DAG1: variants seen among roughly 807,000 people sequenced by gnomAD.
The protein encoded by DAG1 is dystroglycan 1 (dystrophin-associated glycoprotein 1).
In DAG1, 8 loss-of-function variants were observed where a neutral mutation model predicts 46.1. The ratio of observed to expected loss-of-function variants is 0.17; its 90% CI spans 0.10 to 0.31. The LOEUF (loss-of-function observed/expected upper bound fraction) is 0.31, where lower values mean the gene tolerates loss of function less well. Ranked by LOEUF, DAG1 falls within the 10% of genes least tolerant of loss-of-function variation. The pLI, the probability that DAG1 is intolerant of heterozygous loss-of-function variation, is 1.00. For synonymous variants in DAG1, 495 were observed against 481.8 expected, an observed-to-expected ratio of 1.03 and a Z score of -0.36; for missense variants, 1,003 against 1,189.9, an observed-to-expected ratio of 0.84 and a Z score of 2.31.
chr3:49,532,046 C>G lies in DAG1; in HGVS notation c.1535C>G (p.Thr512Ser), dbSNP rs527867946. The G allele has an allele frequency of 1.2e-6, 2 of 1,614,198 alleles. No individual in the cohort carries two copies. Among genetic ancestry groups the G allele is most frequent in the Non-Finnish European group, 1.7e-6 (2 of 1,180,032 alleles). The change falls in exon 3 of 3, where the codon ACC becomes AGC. Residue 512 changes from threonine to serine, a missense_variant. Thr to Ser is a moderately conservative substitution (Grantham distance 58). Transcript: ENST00000308775. The surrounding 1 kb of genome is among the most constrained non-coding windows in gnomAD (Gnocchi z 5.4). The stretch of plus-strand genomic sequence containing the variant: ...GACAGGGTAGATGCCTGGGTTGGCA[C>G]CTACTTTGAGGTGAAGATCCCGTCA... ...HIDRVDAWVG[T>S]YFEVKIPSDT...
upstream of DAG1, chr3:49,469,039 T>C (rs961966612): frequency 6.6e-6 from 1 of 152,150 alleles, no homozygotes; most frequent in Admixed American, 6.6e-5. Flanking sequence ...CACTGAAGTA[T>C]AGATAATTGC....
rs1217978695 is a variant in DAG1 at position 49,532,407 on chromosome 3, A to G, written c.1896A>G (p.Lys632=). Residue 632 remains lysine, a synonymous_variant, in exon 3 of 3, where the codon AAA becomes AAG. Transcript: ENST00000308775. The surrounding 1 kb of genome is among the most constrained non-coding windows in gnomAD (Gnocchi z 5.4). ...DIHKKIALVK[K]LAFAFGDRNC... ...ACAAGAAGATTGCCTTGGTAAAGAA[A>G]CTGGCCTTCGCCTTTGGAGACCGAA... is the stretch of plus-strand genomic sequence containing the variant. 1 of 1,614,196 alleles carries G rather than the reference A, an allele frequency of 6.2e-7. No individual in the cohort carries two copies. Among genetic ancestry groups the G allele is most frequent in the South Asian group, 1.1e-5 (1 of 91,084 alleles).
At chr3:49,515,432 G>C (rs1338496126) in intron 2 of DAG1, among the ~76,000 whole-genome samples, 1 of 149,156 alleles carries the variant, frequency 6.7e-6, no homozygotes, top group Non-Finnish European at 1.5e-5. Context: ...TGTTGCCCAG[G>C]CTGGAGTGCA....
intron 1 of DAG1, among the ~76,000 whole-genome samples, chr3:49,483,950 G>A (rs560741031): frequency 2.6e-5 from 4 of 152,258 alleles, no homozygotes; most frequent in Admixed American, 2.6e-4. Flanking sequence ...CACCACACCC[G>A]GCCCAGAAGT....
At position 49,521,367 on chromosome 3, in the gene DAG1, G is replaced by A. The variant is rs538317298; in HGVS notation, c.286-9430G>A. 5.0e-4 allele frequency among the ~76,000 whole-genome samples: 76 copies of A among 152,112 alleles called. No homozygotes were observed. The Middle Eastern group carries it at 0.014, about 27-fold the overall frequency. On this transcript the variant is annotated intron_variant, in intron 2 of 2. Transcript: ENST00000308775. ...TTTTTAGTAGAGACGGGGTTTCACCGTGTTAGCCAGGATGGTCTCGATCTC... is the reference window on the plus strand; with the variant it reads ...TTTTTAGTAGAGACGGGGTTTCACCATGTTAGCCAGGATGGTCTCGATCTC...
chr3:49,501,517 A>G (rs2050449872), intron 1 of DAG1, among the ~76,000 whole-genome samples: 1 of 152,132 alleles, frequency 6.6e-6, no homozygotes, highest in Non-Finnish European at 1.5e-5. Flanking sequence ...TTACTAAATT[A>G]GAATTAAAAT....
intron 1 of DAG1, among the ~76,000 whole-genome samples, chr3:49,495,672 A>G (rs1469829136): frequency 6.6e-6 from 1 of 152,116 alleles, no homozygotes; most frequent in African/African-American, 2.4e-5. Context: ...CTGTAATCCC[A>G]GCACTTTGGG....
intron 1 of DAG1, among the ~76,000 whole-genome samples, chr3:49,504,412 C>T (rs368853133): frequency 6.6e-6 from 1 of 151,992 alleles, no homozygotes; most frequent in South Asian, 2.1e-4. Context: ...TGAAGGACAT[C>T]TGGGTTGTAC....
chr3:49,519,470 C>T (rs751628223), intron 2 of DAG1, among the ~76,000 whole-genome samples: 7 of 152,160 alleles, frequency 4.6e-5, no homozygotes, highest in Non-Finnish European at 1.0e-4. Flanking sequence ...AATGGGCACT[C>T]TCTTTGGCTA....
chr3:49,475,094 G>A (rs1426603061), intron 1 of DAG1, among the ~76,000 whole-genome samples: 1 of 151,178 alleles, frequency 6.6e-6, no homozygotes, highest in African/African-American at 2.4e-5. Flanking sequence ...TTACAGACGT[G>A]AGCCACCGTG....
chr3:49,525,390 GAA>G (rs1393720413), intron 2 of DAG1, among the ~76,000 whole-genome samples: 2 of 152,158 alleles, frequency 1.3e-5, no homozygotes, highest in East Asian at 3.9e-4. Context: ...AATTTATAGA[GAA>G]AAGAGTTTTA....
intron 2 of DAG1, among the ~76,000 whole-genome samples, chr3:49,527,628 G>C (rs1025040725): frequency 1.3e-5 from 2 of 152,202 alleles, no homozygotes; most frequent in African/African-American, 2.4e-5. Flanking sequence ...GCGTGATCCC[G>C]GGAGGCGGAG....
At chr3:49,474,975 C>G in intron 1 of DAG1, among the ~76,000 whole-genome samples, 1 of 151,752 alleles carries the variant, frequency 6.6e-6, no homozygotes, top group Middle Eastern at 3.2e-3. Flanking sequence ...CCGCGCCCAG[C>G]TAATTTTTTT....
chr3:49,480,559 C>T (rs1424758609), intron 1 of DAG1, among the ~76,000 whole-genome samples: 17 of 148,344 alleles, frequency 1.1e-4, no homozygotes, highest in African/African-American at 3.9e-4. Flanking sequence ...TCCCAAAGAG[C>T]TGGGATTACA....
rs1416844144 is a variant in DAG1 at position 49,532,061 on chromosome 3, A to G, written c.1550A>G (p.Lys517Arg). 6.2e-7 allele frequency: 1 copy of G among 1,614,094 alleles called. No homozygotes were observed. Among genetic ancestry groups the G allele is most frequent in the Non-Finnish European group, 8.5e-7 (1 of 1,180,040 alleles). Residue 517 changes from lysine to arginine, a missense_variant, in exon 3 of 3, where the codon AAG becomes AGG. Lys to Arg is a conservative substitution (Grantham distance 26, BLOSUM62 2). Transcript: ENST00000308775. This position sits in a 1 kb window ranked among gnomAD's most constrained non-coding sequence, Gnocchi z 5.4. ...DAWVGTYFEV[K>R]IPSDTFYDHE... ...TGGGTTGGCACCTACTTTGAGGTGA[A>G]GATCCCGTCAGACACTTTCTATGAC...
chr3:49,481,712 G>A (rs1341878021), intron 1 of DAG1, among the ~76,000 whole-genome samples: 2 of 152,130 alleles, frequency 1.3e-5, no homozygotes, highest in Non-Finnish European at 2.9e-5. Context: ...GCACTTGGAA[G>A]GATATGTCGT....
chr3:49,491,761 C>T (rs183680673), intron 1 of DAG1, among the ~76,000 whole-genome samples: 8 of 152,242 alleles, frequency 5.3e-5, no homozygotes, highest in African/African-American at 1.9e-4. Context: ...CAGGCGTGAG[C>T]CACCGCGCCC....
At chr3:49,513,470 G>A (rs1182933476) in intron 2 of DAG1, among the ~76,000 whole-genome samples, 3 of 152,002 alleles carry the variant, frequency 2.0e-5, no homozygotes, top group Admixed American at 6.6e-5. Flanking sequence ...CCCGTGACCC[G>A]TAAGCCCCAG....
intron 1 of DAG1, among the ~76,000 whole-genome samples, chr3:49,489,079 T>C (rs2050112933): frequency 6.6e-6 from 1 of 151,996 alleles, no homozygotes; most frequent in Non-Finnish European, 1.5e-5. Flanking sequence ...GGAATTTATT[T>C]TACCTCCATG....
Sources: gnomAD v4.1 joint callset for allele counts (sites outside exome capture counted in the v4.1 genomes callset) on GRCh38, gnomAD v4.1.1 for gene constraint, Gnocchi (gnomAD v3.1) non-coding constraint, MANE v1.5 for transcripts, NCBI Gene and HGNC (gene_info 2026-07-23, HGNC 2026-07-21) for gene names.